RBMS1: variants seen among roughly 807,000 people sequenced by gnomAD.
The protein encoded by RBMS1 is RNA binding motif single stranded interacting protein 1, also known as RNA-binding motif, single-stranded-interacting protein 1.
In RBMS1, 17 loss-of-function variants were observed where a neutral mutation model predicts 62.3. That is an observed-to-expected ratio of 0.27 (90% CI 0.19 to 0.41). The LOEUF is 0.41. Ranked by LOEUF, RBMS1 falls within the 10% of genes least tolerant of loss-of-function variation. The pLI, the probability that RBMS1 is intolerant of heterozygous loss-of-function variation, is 1.00. For synonymous variants in RBMS1, 172 were observed against 170.0 expected (o/e 1.01, Z -0.09); for missense variants, 334 against 504.5 (o/e 0.66, Z 3.24).
chr2:160,303,274 G>A, intron 5 of RBMS1, 56 bp downstream of exon 5: 2 of 1,475,958 alleles, frequency 1.4e-6, no homozygotes, highest in Admixed American at 2.3e-5. Flanking sequence ...AATTTTCCAA[G>A]ATAACTTGGC....
At chr2:160,366,965 C>T (rs949124334) in intron 2 of RBMS1, 9 of 302,222 alleles carry the variant, frequency 3.0e-5, no homozygotes, top group Non-Finnish European at 5.4e-5. Context: ...TTTTACTTCT[C>T]ATATGCCCAT....
At chr2:160,435,709 G>A (rs981346280) in intron 1 of RBMS1, among the ~76,000 whole-genome samples, 17 of 152,152 alleles carry the variant, frequency 1.1e-4, no homozygotes, top group Non-Finnish European at 1.9e-4. Flanking sequence ...TAAAAAGCAA[G>A]GAAAAGCAAG....
chr2:160,493,199 T>A, intron 1 of RBMS1, 90 bp downstream of exon 1: 1 of 1,248,144 alleles, frequency 8.0e-7, no homozygotes, highest in Non-Finnish European at 1.1e-6. Flanking sequence ...GTGGCGGGGG[T>A]TCGCCGCGCG....
At chr2:160,426,301 G>A (rs867875949) in intron 1 of RBMS1, among the ~76,000 whole-genome samples, 1,583 of 26,658 alleles carry the variant, frequency 0.059, 7 homozygotes, top group South Asian at 0.11. Context: ...AAAGAAAGAA[G>A]GAAGGAAGGA....
At chr2:160,337,227 G>T (rs1691630488) in intron 2 of RBMS1, among the ~76,000 whole-genome samples, 1 of 149,726 alleles carries the variant, frequency 6.7e-6, no homozygotes, top group Admixed American at 6.7e-5. Flanking sequence ...TCCACCTCCT[G>T]GGTTCAAGCG....
intron 6 of RBMS1, among the ~76,000 whole-genome samples, chr2:160,297,598 G>A (rs1367971167): frequency 1.3e-5 from 2 of 152,242 alleles, no homozygotes; most frequent in Non-Finnish European, 2.9e-5. Context: ...ACACACGGAG[G>A]TGTCCTCAAG....
intron 1 of RBMS1, among the ~76,000 whole-genome samples, chr2:160,476,280 T>C (rs1685124354): frequency 6.6e-6 from 1 of 152,208 alleles, no homozygotes. Flanking sequence ...TTGGTAGTGA[T>C]TGCCTTTGGG....
intron 1 of RBMS1, among the ~76,000 whole-genome samples, chr2:160,400,419 A>T (rs1431597836): frequency 6.6e-6 from 1 of 152,070 alleles, no homozygotes; most frequent in African/African-American, 2.4e-5. Context: ...CAATGAAGAC[A>T]ATCATATGTA....
At chr2:160,279,422 G>C (rs1288052907) in intron 10 of RBMS1, 2 of 152,000 alleles carry the variant, frequency 1.3e-5, no homozygotes, top group African/African-American at 2.4e-5. Context: ...GCAATGTCAG[G>C]GTACTACTGC....
intron 1 of RBMS1, among the ~76,000 whole-genome samples, chr2:160,455,829 G>A (rs1268935888): frequency 2.6e-5 from 4 of 151,616 alleles, no homozygotes; most frequent in African/African-American, 4.8e-5. Context: ...GACTACAGGC[G>A]CCCGCTACCA....
chr2:160,445,364 T>A lies in RBMS1; in HGVS notation c.75+47925A>T, dbSNP rs185110109. 1.0e-3 allele frequency among the ~76,000 whole-genome samples: 153 copies of A among 152,322 alleles called. 1 individual carries two copies. Among genetic ancestry groups the A allele is most frequent in the African/African-American group, 3.5e-3 (147 of 41,566 alleles). ...TAACTAGATTTTCAGGCAAAGACTC[T>A]GGGACTAAAATGGAATAAGAATGAA... On this transcript the variant is annotated intron_variant, in intron 1 of 13. Coordinates refer to ENST00000348849, the MANE Select transcript of RBMS1 (RefSeq NM_016836.4).
intron 1 of RBMS1, among the ~76,000 whole-genome samples, chr2:160,422,637 C>G (rs80181793): frequency 6.6e-6 from 1 of 151,652 alleles, no homozygotes; most frequent in East Asian, 1.9e-4. Flanking sequence ...CAGCTCCCCC[C>G]GCCCCACCAC....
At chr2:160,418,401 T>C (rs1696288223) in intron 1 of RBMS1, among the ~76,000 whole-genome samples, 1 of 152,176 alleles carries the variant, frequency 6.6e-6, no homozygotes, top group South Asian at 2.1e-4. Context: ...AAGTAATTTT[T>C]ACATAGATCA....
chr2:160,309,936 G>A (rs796891114), intron 4 of RBMS1, among the ~76,000 whole-genome samples: 8 of 152,288 alleles, frequency 5.3e-5, no homozygotes, highest in African/African-American at 1.7e-4. Flanking sequence ...TTCAGCTGAA[G>A]ATTCACTACA....
chr2:160,439,573 G>A (rs995366383), intron 1 of RBMS1, among the ~76,000 whole-genome samples: 50 of 151,354 alleles, frequency 3.3e-4, no homozygotes, highest in Non-Finnish European at 6.1e-4. Context: ...TTTCCAGACT[G>A]GGCAGCCAGG....
intron 1 of RBMS1, among the ~76,000 whole-genome samples, chr2:160,399,921 C>A (rs898934728): frequency 6.6e-6 from 1 of 152,184 alleles, no homozygotes; most frequent in African/African-American, 2.4e-5. Context: ...CTACACAGCA[C>A]CAAAACAATG....
chr2:160,327,235 C>T (rs1690985834), intron 2 of RBMS1, among the ~76,000 whole-genome samples: 1 of 152,152 alleles, frequency 6.6e-6, no homozygotes, highest in Admixed American at 6.5e-5. Flanking sequence ...TCATCTCTAC[C>T]CAGATTTTGA....
chr2:160,396,109 C>T (rs1041016940), intron 1 of RBMS1, among the ~76,000 whole-genome samples: 4 of 151,994 alleles, frequency 2.6e-5, no homozygotes, highest in African/African-American at 9.7e-5. Flanking sequence ...AGAAATGTCC[C>T]TTCGAGTGAT....
chr2:160,464,218 T>C (rs566753869), intron 1 of RBMS1, among the ~76,000 whole-genome samples: 1 of 152,198 alleles, frequency 6.6e-6, no homozygotes, highest in African/African-American at 2.4e-5. Context: ...CCATGACATA[T>C]CTGTAACTGG....
Sources: gnomAD v4.1 joint callset for allele counts (sites outside exome capture counted in the v4.1 genomes callset) on GRCh38, gnomAD v4.1.1 for gene constraint, MANE v1.5 for transcripts, NCBI Gene and HGNC (gene_info 2026-07-23, HGNC 2026-07-21) for gene names.